The following CAMKMT variants were observed in gnomAD, a reference collection of about 807,000 sequenced individuals.
The protein encoded by CAMKMT is CaM KMT.
A neutral mutation model predicts 48.0 loss-of-function variants in CAMKMT; 53 were observed. The observed-to-expected ratio is 1.10, with a 90% confidence interval of 0.89 to 1.39. CAMKMT has a LOEUF of 1.39. Ranked by LOEUF, CAMKMT falls within the 40% of genes most tolerant of loss-of-function variation. The pLI is 0.00. For missense variants in CAMKMT, 428 were observed against 402.7 expected (o/e 1.06, Z -0.54); for synonymous variants, 165 against 152.3 (o/e 1.08, Z -0.61).
At chr2:44,769,881 A>G (rs917141393) in intron 10 of CAMKMT, among the ~76,000 whole-genome samples, 2 of 152,210 alleles carry the variant, frequency 1.3e-5, no homozygotes, top group African/African-American at 4.8e-5. Context: ...AAGGGTAAAC[A>G]GTCTGAACTC....
chr2:44,394,148 C>A (rs1380072777), intron 3 of CAMKMT, among the ~76,000 whole-genome samples: 1 of 152,002 alleles, frequency 6.6e-6, no homozygotes, highest in Non-Finnish European at 1.5e-5. Context: ...TGTATATAAT[C>A]CTTTAAAGGA....
At chr2:44,704,698 A>C (rs1394285327) in intron 4 of CAMKMT, among the ~76,000 whole-genome samples, 1 of 151,714 alleles carries the variant, frequency 6.6e-6, no homozygotes, top group African/African-American at 2.4e-5. Context: ...AAAAAAAAAA[A>C]AACCAATAAA....
intron 3 of CAMKMT, among the ~76,000 whole-genome samples, chr2:44,580,243 A>AAAAATAAAATAAAATAAAAT (rs367927902): frequency 0.081 from 11,279 of 139,098 alleles, 594 homozygotes; most frequent in Admixed American, 0.15. Context: ...ATCAGGGCTC[A>AAAAATAAAATAAAATAAAAT]AAAATAAAAT....
At chr2:44,373,992 C>T (rs1679430150) in intron 2 of CAMKMT, among the ~76,000 whole-genome samples, 1 of 151,586 alleles carries the variant, frequency 6.6e-6, no homozygotes, top group Non-Finnish European at 1.5e-5. Context: ...GGCATGGTGG[C>T]ATGTGCCTAT....
chr2:44,393,505 G>A (rs530371781), intron 3 of CAMKMT: 1 of 152,254 alleles, frequency 6.6e-6, no homozygotes, highest in South Asian at 2.1e-4. Context: ...CATTTTGAAA[G>A]TGCTTACCTT....
chr2:44,454,073 T>A (rs1193869505), intron 3 of CAMKMT, among the ~76,000 whole-genome samples: 1 of 152,100 alleles, frequency 6.6e-6, no homozygotes, highest in Admixed American at 6.6e-5. Flanking sequence ...GACGGTAACA[T>A]CTGATTTTGA....
At chr2:44,597,960 C>G (rs952383317) in intron 3 of CAMKMT, among the ~76,000 whole-genome samples, 1 of 152,142 alleles carries the variant, frequency 6.6e-6, no homozygotes, top group African/African-American at 2.4e-5. Context: ...TGGTCTCGAA[C>G]TCCTGACCTT....
chr2:44,576,321 T>G (rs1461635760), intron 3 of CAMKMT, among the ~76,000 whole-genome samples: 2 of 126,132 alleles, frequency 1.6e-5, no homozygotes, highest in Non-Finnish European at 3.2e-5. Flanking sequence ...AGAGTGAAAC[T>G]CTGTCTAAAA....
chr2:44,610,351 A>G (rs1671530653), intron 3 of CAMKMT, among the ~76,000 whole-genome samples: 1 of 152,206 alleles, frequency 6.6e-6, no homozygotes. Context: ...ATAAAGTCTT[A>G]AGGAAGCAGA....
intron 10 of CAMKMT, among the ~76,000 whole-genome samples, chr2:44,768,415 T>C (rs980248991): frequency 6.6e-6 from 1 of 150,444 alleles, no homozygotes; most frequent in African/African-American, 2.4e-5. Context: ...GGGGTTCTGC[T>C]TCTAGCAAAA....
intron 3 of CAMKMT, among the ~76,000 whole-genome samples, chr2:44,623,553 G>A (rs975501396): frequency 1.1e-4 from 17 of 152,112 alleles, no homozygotes; most frequent in African/African-American, 3.6e-4. Context: ...TGATTAGCCT[G>A]TTACCCCAGC....
chr2:44,506,106 C>T (rs922436781), intron 3 of CAMKMT, among the ~76,000 whole-genome samples: 6 of 152,036 alleles, frequency 3.9e-5, no homozygotes, highest in African/African-American at 1.2e-4. Flanking sequence ...TTCATTCCAC[C>T]GTGGCCTCCC....
At chr2:44,404,805 T>C (rs1682667179) in intron 3 of CAMKMT, among the ~76,000 whole-genome samples, 1 of 152,110 alleles carries the variant, frequency 6.6e-6, no homozygotes, top group African/African-American at 2.4e-5. Context: ...TTAGATGCTT[T>C]GATTCTGCTG....
At chr2:44,482,630 G>A (rs698818) in intron 3 of CAMKMT, among the ~76,000 whole-genome samples, 114,396 of 152,000 alleles carry the variant, frequency 0.75, 43,784 homozygotes, top group African/African-American at 0.84. Flanking sequence ...TGCTGGGACC[G>A]TTTTCTCTGA....
chr2:44,702,226 A>G (rs1346641519), intron 3 of CAMKMT, among the ~76,000 whole-genome samples: 3 of 152,108 alleles, frequency 2.0e-5, no homozygotes, highest in Non-Finnish European at 2.9e-5. Flanking sequence ...CTTCCTTCAG[A>G]GACTTTTATT....
At chr2:44,743,855 T>C (rs990612584) in intron 8 of CAMKMT, among the ~76,000 whole-genome samples, 159 bp downstream of exon 8, 1 of 152,228 alleles carries the variant, frequency 6.6e-6, no homozygotes, top group South Asian at 2.1e-4. Flanking sequence ...GTGACAGTTA[T>C]AAGGTAGTCT....
intron 3 of CAMKMT, among the ~76,000 whole-genome samples, chr2:44,476,783 T>G (rs1432741463): frequency 1.3e-5 from 2 of 152,202 alleles, no homozygotes; most frequent in African/African-American, 4.8e-5. Flanking sequence ...CCTCGTGGTC[T>G]TAGGCAAGCC....
intron 3 of CAMKMT, among the ~76,000 whole-genome samples, chr2:44,663,057 T>G (rs1324454166): frequency 6.6e-6 from 1 of 152,194 alleles, no homozygotes; most frequent in Admixed American, 6.5e-5. Context: ...TCTTTAAATA[T>G]TTCAGTTTAT....
At chr2:44,410,247 ATTTTTTTTTT>A (rs1164693728) in intron 3 of CAMKMT, among the ~76,000 whole-genome samples, 1,110 of 19,518 alleles carry the variant, frequency 0.057, 234 homozygotes, top group Middle Eastern at 0.2. Flanking sequence ...ATATATATAT[ATTTTTTTTTT>A]TTTTTTTTTT....
Sources: gnomAD v4.1 joint callset for allele counts (sites outside exome capture counted in the v4.1 genomes callset) on GRCh38, gnomAD v4.1.1 for gene constraint, MANE v1.5 for transcripts, NCBI Gene and HGNC (gene_info 2026-07-23, HGNC 2026-07-21) for gene names.